Variants in MSRA observed in about 807,000 individuals in gnomAD.
MSRA encodes the protein mitochondrial peptide methionine sulfoxide reductase.
Under a neutral mutation model 31.3 loss-of-function variants are expected in MSRA, and 54 were observed. The observed-to-expected ratio is 1.73, with a 90% CI of 1.39 to 2.17. The LOEUF (loss-of-function observed/expected upper bound fraction) is 2.17. MSRA is among the 30% of genes most tolerant of loss of function. The pLI, the probability that MSRA is intolerant of heterozygous loss-of-function variation, is 0.00. For missense variants in MSRA, 507 were observed against 300.9 expected (o/e 1.69, Z -5.07); for synonymous variants, 169 against 116.5 (o/e 1.45, Z -2.90).
chr8:10,193,637 C>G (rs1033144095), intron 1 of MSRA, among the ~76,000 whole-genome samples: 2 of 152,194 alleles, frequency 1.3e-5, no homozygotes, highest in African/African-American at 4.8e-5. Context: ...TATTTCGCCT[C>G]CATCTTTCAT....
At chr8:10,295,714 C>A (rs867242428) in intron 3 of MSRA, among the ~76,000 whole-genome samples, 23 of 152,278 alleles carry the variant, frequency 1.5e-4, no homozygotes, top group African/African-American at 3.4e-4. Context: ...CACTTGGCAC[C>A]CCCTGGAGAG....
intron 1 of MSRA, among the ~76,000 whole-genome samples, chr8:10,113,953 A>C (rs988444097): frequency 6.6e-6 from 1 of 151,916 alleles, no homozygotes; most frequent in African/African-American, 2.4e-5. Flanking sequence ...ACCCTTTAGC[A>C]CTCACTCCTC....
intron 1 of MSRA, among the ~76,000 whole-genome samples, chr8:10,068,783 A>C (rs1315656444): frequency 1.3e-5 from 2 of 152,210 alleles, no homozygotes; most frequent in East Asian, 3.9e-4. Context: ...TTCCATATAA[A>C]GTTTAGAATC....
At position 10,057,715 on chromosome 8, in the gene MSRA, C is replaced by T. The variant is rs113151561; in HGVS notation, c.142+3057C>T. Among the ~76,000 whole-genome samples the T allele has an allele frequency of 2.6e-3, 400 of 152,252 alleles. 2 individuals carry two copies. The highest frequency in any genetic ancestry group is 7.9e-3 in the African/African-American group (327 of 41,542). ...TTATTTAAAAGTGTGTAGCTTGCCCCTTTGCGCTCTCTCGTTCTCTCCTGC... is the reference window on the plus strand; with the variant it reads ...TTATTTAAAAGTGTGTAGCTTGCCCTTTTGCGCTCTCTCGTTCTCTCCTGC... On this transcript the variant is annotated intron_variant, in intron 1 of 5. Transcript: ENST00000317173.
At chr8:10,249,558 C>T (rs13266832) in intron 3 of MSRA, among the ~76,000 whole-genome samples, 37,562 of 151,984 alleles carry the variant, frequency 0.25, 4,870 homozygotes, top group Admixed American at 0.35. Flanking sequence ...GAACCAATAG[C>T]GCACAGGCTG....
intron 3 of MSRA, among the ~76,000 whole-genome samples, chr8:10,285,615 TACCTGTTA>T (rs2129111086): frequency 6.6e-6 from 1 of 152,178 alleles, no homozygotes; most frequent in Admixed American, 6.5e-5. Flanking sequence ...ATGTATTTTG[TACCTGTTA>T]ACCAGTCTCT....
At chr8:10,378,138 T>C (rs1457823074) in intron 5 of MSRA, among the ~76,000 whole-genome samples, 1 of 152,190 alleles carries the variant, frequency 6.6e-6, no homozygotes, top group East Asian at 1.9e-4. Flanking sequence ...GGGCTGTGGA[T>C]GGGGATCAGG....
At position 10,423,591 on chromosome 8, in the gene MSRA, C is replaced by T. The variant is rs528168237; in HGVS notation, c.544-4557C>T. Among the ~76,000 whole-genome samples the T allele has an allele frequency of 3.3e-5, 5 of 152,300 alleles. No homozygotes were observed. In the South Asian group the frequency reaches 8.3e-4, roughly 25 times the overall value. ...CGTCCCCTATCTCCCCCTGCTCCTGCACCACCCCACTCTCCCTGCAGAAGA... is the reference window on the plus strand; with the variant it reads ...CGTCCCCTATCTCCCCCTGCTCCTGTACCACCCCACTCTCCCTGCAGAAGA... On this transcript the variant is annotated intron_variant, in intron 5 of 5. Coordinates refer to ENST00000317173, the MANE Select transcript of MSRA (RefSeq NM_012331.5).
chr8:10,396,497 CT>C (rs1324679036), intron 5 of MSRA, among the ~76,000 whole-genome samples: 1 of 152,200 alleles, frequency 6.6e-6, no homozygotes, highest in Non-Finnish European at 1.5e-5. Context: ...AGATTCTGCA[CT>C]GAGAACTTGG....
At chr8:10,265,482 T>A (rs1798698176) in intron 3 of MSRA, among the ~76,000 whole-genome samples, 1 of 152,034 alleles carries the variant, frequency 6.6e-6, no homozygotes, top group South Asian at 2.1e-4. Flanking sequence ...TCTCCCAGGG[T>A]AGGAAATAGA....
At chr8:10,075,219 A>G (rs1797943161) in intron 1 of MSRA, among the ~76,000 whole-genome samples, 1 of 152,216 alleles carries the variant, frequency 6.6e-6, no homozygotes, top group Admixed American at 6.5e-5. Flanking sequence ...ACACCTAGGC[A>G]TGTCTGTTAC....
intron 1 of MSRA, among the ~76,000 whole-genome samples, chr8:10,073,976 C>T (rs571449957): frequency 7.1e-6 from 1 of 140,208 alleles, no homozygotes; most frequent in South Asian, 2.4e-4. Flanking sequence ...TCTAAGGGAT[C>T]TAGGGGAGTG....
At chr8:10,359,884 C>A (rs1804741463) in intron 5 of MSRA, among the ~76,000 whole-genome samples, 1 of 152,212 alleles carries the variant, frequency 6.6e-6, no homozygotes, top group Non-Finnish European at 1.5e-5. Context: ...CAGCACTGTT[C>A]CATCTTCTGT....
At chr8:10,089,472 A>G (rs1223907497) in intron 1 of MSRA, among the ~76,000 whole-genome samples, 2 of 152,200 alleles carry the variant, frequency 1.3e-5, no homozygotes, top group African/African-American at 4.8e-5. Flanking sequence ...GCCATTGCAC[A>G]TTCCCATGGT....
At chr8:10,079,686 G>C (rs548416745) in intron 1 of MSRA, among the ~76,000 whole-genome samples, 105 of 152,124 alleles carry the variant, frequency 6.9e-4, no homozygotes, top group Non-Finnish European at 1.4e-3. Context: ...TTGGTGCTTG[G>C]GTGCTAAGCA....
intron 5 of MSRA, among the ~76,000 whole-genome samples, chr8:10,335,250 G>GTTTTTTTTTTTTTT (rs1170264568): frequency 2.5e-4 from 20 of 79,878 alleles, no homozygotes; most frequent in South Asian, 5.3e-4. Context: ...TCCCAGCTCT[G>GTTTTTTTTTTTTTT]TTTTTTTTTT....
At chr8:10,136,439 G>C (rs563755964) in intron 1 of MSRA, among the ~76,000 whole-genome samples, 20 of 152,086 alleles carry the variant, frequency 1.3e-4, no homozygotes, top group African/African-American at 4.3e-4. Flanking sequence ...TTCCTCTCTC[G>C]TACGCAAGAA....
chr8:10,076,394 A>G (rs1013214331), intron 1 of MSRA, among the ~76,000 whole-genome samples: 2 of 152,008 alleles, frequency 1.3e-5, no homozygotes, highest in African/African-American at 4.8e-5. Context: ...ATGGCCTTCA[A>G]CTCCACCTGA....
intron 2 of MSRA, among the ~76,000 whole-genome samples, chr8:10,243,314 T>C (rs952909728): frequency 6.6e-6 from 1 of 152,236 alleles, no homozygotes; most frequent in Admixed American, 6.5e-5. Context: ...GCTCTCGTGG[T>C]CATTTATGTG....
Sources: allele counts gnomAD v4.1 joint callset (sites outside exome capture counted in the v4.1 genomes callset), GRCh38; gene constraint gnomAD v4.1.1; transcripts MANE v1.5; gene names NCBI Gene and HGNC (gene_info 2026-07-23, HGNC 2026-07-21).